The following NCKAP5 variants were observed in gnomAD, a reference collection of about 807,000 sequenced individuals.
NCKAP5 encodes the protein NCK associated protein 5, also known as nck-associated protein 5.
Under a neutral mutation model 167.0 loss-of-function variants are expected in NCKAP5, and 92 were observed. That is an observed-to-expected ratio of 0.55 (90% CI 0.47 to 0.66). The LOEUF is 0.66. Ranked by LOEUF, NCKAP5 falls within the 30% of genes least tolerant of loss-of-function variation. NCKAP5 has a pLI of 0.00. For missense variants in NCKAP5, 2,378 were observed against 2,315.0 expected (o/e 1.03, Z -0.56); for synonymous variants, 891 against 877.4 (o/e 1.02, Z -0.27).
Position 132,773,854 on chromosome 2 carries a change from T to C in NCKAP5, c.5090A>G (p.Asp1697Gly), listed in dbSNP as rs1574156052. 3.7e-6 allele frequency: 6 copies of C among 1,611,608 alleles called. No homozygotes were observed. The Admixed American group carries it at 8.4e-5, about 23-fold the overall frequency. ...CTGAAATACAGAATCTGCAACTGCA[T>C]CGTCTTCATCCTCTTGCAAGTTTTC... ...ANENLQEDED[D>G]AVADSVFQSH... Residue 1697 changes from aspartate to glycine, a missense_variant, in exon 16 of 20, where the codon GAT becomes GGT. By Grantham distance (94) the Asp-to-Gly change is moderately conservative (BLOSUM62 -1). Transcript: ENST00000409261.
chr2:133,008,069 C>T (rs944891480), intron 6 of NCKAP5, among the ~76,000 whole-genome samples: 1 of 152,176 alleles, frequency 6.6e-6, no homozygotes, highest in African/African-American at 2.4e-5. Context: ...GGGACTACTA[C>T]TCAGTGACTG....
intron 7 of NCKAP5, among the ~76,000 whole-genome samples, chr2:132,968,593 G>A (rs1005564922): frequency 3.9e-5 from 6 of 152,120 alleles, no homozygotes; most frequent in South Asian, 2.1e-4. Flanking sequence ...GAAAGAAAAC[G>A]TTGTCAAGGC....
At chr2:132,965,614 C>T (rs182005230) in intron 7 of NCKAP5, among the ~76,000 whole-genome samples, 16 of 152,220 alleles carry the variant, frequency 1.1e-4, no homozygotes, top group African/African-American at 3.9e-4. Flanking sequence ...CACACATACA[C>T]ATACACATAT....
chr2:132,836,261 C>T (rs12470953), intron 11 of NCKAP5, among the ~76,000 whole-genome samples: 52,898 of 151,956 alleles, frequency 0.35, 10,593 homozygotes, highest in African/African-American at 0.54. Flanking sequence ...TTTCTTGTTT[C>T]CCTTTCCTAA....
At chr2:132,951,431 C>T (rs1399523564) in intron 8 of NCKAP5, among the ~76,000 whole-genome samples, 1 of 152,172 alleles carries the variant, frequency 6.6e-6, no homozygotes, top group Admixed American at 6.5e-5. Context: ...ACCATGACAG[C>T]TGGTGTTTAT....
chr2:132,962,955 C>T lies in NCKAP5; in HGVS notation c.579+765G>A, dbSNP rs535036987. The stretch of plus-strand genomic sequence containing the variant: ...TTCTGTAGACTCTATGGTAGAACTG[C>T]GTTTTTAGATGTTGGGTGAAGGCCC... On this transcript the variant is annotated intron_variant, in intron 8 of 19. Transcript: ENST00000409261. Among the ~76,000 whole-genome samples, 9 of 152,060 alleles carry T rather than the reference C, an allele frequency of 5.9e-5. No homozygotes were observed. The East Asian group carries it at 7.7e-4, about 13-fold the overall frequency.
intron 7 of NCKAP5, among the ~76,000 whole-genome samples, chr2:132,981,583 A>G (rs4953866): frequency 0.79 from 120,294 of 152,144 alleles, 47,984 homozygotes; most frequent in African/African-American, 0.88. Context: ...CCAGGGAACC[A>G]TTAGGAATTA....
At chr2:133,060,776 A>G (rs1027676527) in intron 6 of NCKAP5, among the ~76,000 whole-genome samples, 3 of 152,188 alleles carry the variant, frequency 2.0e-5, no homozygotes, top group Admixed American at 6.5e-5. Context: ...CTTTTCTTAG[A>G]AGGGAAGTGA....
chr2:132,672,903 C>A lies in NCKAP5; in HGVS notation c.*386G>T. On this transcript the variant is annotated 3_prime_UTR_variant, in exon 20 of 20. Transcript: ENST00000409261. ...GGTGGGTTGCCTGCTGTGAATTTGA[C>A]AAGGAAGGCTCTGGTACTGCAATAG... 7.3e-6 allele frequency: 7 copies of A among 956,398 alleles called. No individual in the cohort carries two copies. The highest frequency in any genetic ancestry group is 8.7e-6 in the Non-Finnish European group (7 of 802,144). The allele number at this position is 956,398 out of a possible 1,614,324, so 59.2% of individuals were successfully genotyped here.
At chr2:132,674,425 T>C (rs10167716) in intron 19 of NCKAP5, among the ~76,000 whole-genome samples, 7,115 of 152,294 alleles carry the variant, frequency 0.047, 522 homozygotes, top group African/African-American at 0.16. Flanking sequence ...CTGCCTTCCA[T>C]GCTCTTGTTC....
chr2:132,934,853 C>A (rs755717715), intron 8 of NCKAP5, among the ~76,000 whole-genome samples: 1 of 152,182 alleles, frequency 6.6e-6, no homozygotes, highest in African/African-American at 2.4e-5. Context: ...GCTGTCTACA[C>A]AACATCCATT....
chr2:133,250,059 G>A (rs936096533), intron 4 of NCKAP5, among the ~76,000 whole-genome samples: 9 of 129,950 alleles, frequency 6.9e-5, no homozygotes, highest in African/African-American at 1.1e-4. Context: ...AAGAAGAGAG[G>A]TTTTAAACAG....
chr2:132,766,024 G>A (rs1681445191), intron 16 of NCKAP5, among the ~76,000 whole-genome samples: 1 of 152,090 alleles, frequency 6.6e-6, no homozygotes, highest in Non-Finnish European at 1.5e-5. Flanking sequence ...GCTTACGCCT[G>A]TAATCCCGGC....
intron 6 of NCKAP5, among the ~76,000 whole-genome samples, chr2:133,023,693 T>C (rs2078605381): frequency 6.6e-6 from 1 of 152,240 alleles, no homozygotes; most frequent in South Asian, 2.1e-4. Flanking sequence ...AGTGAGAATA[T>C]GCAATATTCG....
At chr2:132,736,981 T>C (rs1191637473) in intron 16 of NCKAP5, among the ~76,000 whole-genome samples, 1 of 152,184 alleles carries the variant, frequency 6.6e-6, no homozygotes, top group Non-Finnish European at 1.5e-5. Flanking sequence ...CTCTCACCTG[T>C]TCCCATTGTT....
intron 6 of NCKAP5, among the ~76,000 whole-genome samples, chr2:133,077,607 A>G (rs979124030): frequency 2.0e-5 from 3 of 152,268 alleles, no homozygotes; most frequent in Admixed American, 1.3e-4. Flanking sequence ...GGGACAAGAC[A>G]TTTTCTCGTA....
At chr2:133,495,244 T>C (rs1041035527) in intron 3 of NCKAP5, among the ~76,000 whole-genome samples, 3 of 152,128 alleles carry the variant, frequency 2.0e-5, no homozygotes, top group African/African-American at 7.2e-5. Context: ...TTTGGGCCCA[T>C]GTTCTCAGGA....
chr2:132,793,385 C>A (rs1235958249), intron 12 of NCKAP5, among the ~76,000 whole-genome samples: 2 of 152,112 alleles, frequency 1.3e-5, no homozygotes, highest in African/African-American at 2.4e-5. Flanking sequence ...CAGGCAGGGG[C>A]AAAGATGGTT....
the NCKAP5 span, among the ~76,000 whole-genome samples, chr2:133,593,275 T>C: frequency 6.6e-6 from 1 of 151,962 alleles, no homozygotes. Flanking sequence ...TACACACACA[T>C]AGATATGTCA....
Sources: allele counts gnomAD v4.1 joint callset (sites outside exome capture counted in the v4.1 genomes callset), GRCh38; gene constraint gnomAD v4.1.1; transcripts MANE v1.5; gene names NCBI Gene and HGNC (gene_info 2026-07-23, HGNC 2026-07-21).